TUSC3: variants seen among roughly 807,000 people sequenced by gnomAD.
The protein encoded by TUSC3 is dolichyl-diphosphooligosaccharide--protein glycosyltransferase subunit TUSC3.
In TUSC3, 45 loss-of-function variants were observed where a neutral mutation model predicts 44.8. The ratio of observed to expected loss-of-function variants is 1.00; its 90% CI spans 0.79 to 1.29. The LOEUF is 1.29. Ranked by LOEUF, TUSC3 falls within the 50% of genes most tolerant of loss-of-function variation. The probability of loss-of-function intolerance (pLI) is 0.00; values close to 1 mark genes in which losing one functional copy is unlikely to be tolerated. For synonymous variants in TUSC3, 212 were observed against 152.9 expected, an observed-to-expected ratio of 1.39 and a Z score of -2.85; for missense variants, 519 against 437.9, an observed-to-expected ratio of 1.19 and a Z score of -1.65.
intron 2 of TUSC3, among the ~76,000 whole-genome samples, chr8:15,522,796 A>G (rs1266636870): frequency 6.6e-6 from 1 of 152,120 alleles, no homozygotes; most frequent in Non-Finnish European, 1.5e-5. Flanking sequence ...CCTTTTCTCT[A>G]GTGAGGAATT....
chr8:15,645,879 C>G (rs1806602889), intron 2 of TUSC3, among the ~76,000 whole-genome samples: 1 of 152,048 alleles, frequency 6.6e-6, no homozygotes, highest in African/African-American at 2.4e-5. Context: ...TGACATAAAT[C>G]TGACTAAATG....
intron 6 of TUSC3, among the ~76,000 whole-genome samples, chr8:15,712,629 G>A (rs552646558): frequency 5.3e-5 from 8 of 151,990 alleles, no homozygotes; most frequent in African/African-American, 1.2e-4. Flanking sequence ...CTTTTCAACC[G>A]TCTATCTTCT....
At chr8:15,720,379 T>C (rs981694241) in intron 6 of TUSC3, among the ~76,000 whole-genome samples, 1 of 151,998 alleles carries the variant, frequency 6.6e-6, no homozygotes, top group Non-Finnish European at 1.5e-5. Context: ...TTGGGCAGCC[T>C]CAACCAGTAA....
intron 1 of TUSC3, among the ~76,000 whole-genome samples, chr8:15,471,958 T>G (rs903049649): frequency 6.6e-6 from 1 of 152,086 alleles, no homozygotes; most frequent in Non-Finnish European, 1.5e-5. Context: ...AATAACATAA[T>G]TGATGAATTT....
At chr8:15,465,046 C>CACTATGTTG (rs1470021973) in intron 1 of TUSC3, among the ~76,000 whole-genome samples, 1 of 152,142 alleles carries the variant, frequency 6.6e-6, no homozygotes, top group East Asian at 1.9e-4. Flanking sequence ...GACAGAGTTT[C>CACTATGTTG]ACTATGTTGG....
In TUSC3 at chr8:15,736,134, C is replaced by T. The variant is rs2543144; in HGVS notation, c.862+5405C>T. On this transcript the variant is annotated intron_variant, in intron 7 of 10. Transcript: ENST00000503731. ...ATGTAAACATAAATACACACATACACGCAGGTGCATGTGCTTTGTGCTGAG... is the reference window on the plus strand; with the variant it reads ...ATGTAAACATAAATACACACATACATGCAGGTGCATGTGCTTTGTGCTGAG... Among the ~76,000 whole-genome samples, 897 of 152,142 alleles carry T rather than the reference C, an allele frequency of 5.9e-3. 10 individuals carry two copies. Among genetic ancestry groups the T allele is most frequent in the African/African-American group, 0.02 (833 of 41,510 alleles).
chr8:15,812,744 A>G, the TUSC3 span, among the ~76,000 whole-genome samples: 763 of 152,016 alleles, frequency 5.0e-3, 16 homozygotes, highest in East Asian at 0.076. Flanking sequence ...GCCTTATTCC[A>G]TTGATTCCAA....
At chr8:15,641,189 G>A (rs925006581) in intron 2 of TUSC3, among the ~76,000 whole-genome samples, 1 of 151,544 alleles carries the variant, frequency 6.6e-6, no homozygotes, top group Non-Finnish European at 1.5e-5. Context: ...TGAAACCCCT[G>A]TCTCTACCAG....
At chr8:15,589,414 T>G (rs77574692) in intron 1 of TUSC3, among the ~76,000 whole-genome samples, 10,361 of 152,260 alleles carry the variant, frequency 0.068, 445 homozygotes, top group Middle Eastern at 0.1. Flanking sequence ...AAGATTAGCA[T>G]GTGGAGCAAT....
At chr8:15,419,431 C>T (rs1386992246) in intron 1 of TUSC3, among the ~76,000 whole-genome samples, 1 of 152,132 alleles carries the variant, frequency 6.6e-6, no homozygotes, top group Non-Finnish European at 1.5e-5. Flanking sequence ...GTCTTTGCTT[C>T]TTTGAGGCGC....
chr8:15,435,188 C>G lies in TUSC3; in HGVS notation n.91+17883C>G, dbSNP rs1412183318. Among the ~76,000 whole-genome samples the G allele has an allele frequency of 2.0e-5, 3 of 151,218 alleles. No individual in the cohort carries two copies. The East Asian group carries it at 5.8e-4, about 29-fold the overall frequency. ...GTGTTCCTATTTCTCCACATCCTCT[C>G]CAGCACCTGTTGTTTCCTGACTTTT... On this transcript the variant is annotated intron_variant and non_coding_transcript_variant, in intron 1 of 5. Transcript: ENST00000503191.
chr8:15,673,967 C>A, intron 6 of TUSC3, 131 bp downstream of exon 6: 1 of 747,524 alleles, frequency 1.3e-6, no homozygotes. Flanking sequence ...TTCTCATTTA[C>A]TACCTGTGTC....
In TUSC3 at chr8:15,458,615, T is replaced by C. The variant is rs189098927; in HGVS notation, n.92-24771T>C. The stretch of plus-strand genomic sequence containing the variant: ...ATGGACCAACGATGAATGTGTTATG[T>C]ACCAATGATTAAGATGAATCTATAA... On this transcript the variant is annotated intron_variant and non_coding_transcript_variant, in intron 1 of 5. Transcript: ENST00000503191. Among the ~76,000 whole-genome samples the C allele has an allele frequency of 2.7e-3, 418 of 152,318 alleles. 4 individuals carry two copies. The highest frequency in any genetic ancestry group is 9.7e-3 in the African/African-American group (402 of 41,568).
the TUSC3 span, among the ~76,000 whole-genome samples, chr8:15,789,141 G>A: frequency 6.6e-6 from 1 of 152,152 alleles, no homozygotes; most frequent in Non-Finnish European, 1.5e-5. Flanking sequence ...CAGAGTGTTA[G>A]GTAAAAACCT....
chr8:15,720,733 A>G (rs1013096319), intron 6 of TUSC3, among the ~76,000 whole-genome samples: 2 of 152,118 alleles, frequency 1.3e-5, no homozygotes, highest in Non-Finnish European at 2.9e-5. Flanking sequence ...AGTTTCAAGA[A>G]TGTAAATTAA....
intron 1 of TUSC3, among the ~76,000 whole-genome samples, chr8:15,436,063 G>A (rs562727138): frequency 2.0e-5 from 3 of 152,156 alleles, no homozygotes; most frequent in South Asian, 4.1e-4. Context: ...TTTCAAGATC[G>A]CTCATTCACA....
chr8:15,500,448 G>A (rs1454458522), intron 2 of TUSC3, among the ~76,000 whole-genome samples: 1 of 151,912 alleles, frequency 6.6e-6, no homozygotes, highest in African/African-American at 2.4e-5. Context: ...TTAGTCAATC[G>A]GAGATCTAAC....
chr8:15,689,867 A>T (rs57352188), intron 6 of TUSC3, among the ~76,000 whole-genome samples: 3,985 of 142,568 alleles, frequency 0.028, 195 homozygotes, highest in African/African-American at 0.094. Flanking sequence ...TGTGTGTATA[A>T]ATATATATAT....
intron 1 of TUSC3, among the ~76,000 whole-genome samples, chr8:15,420,636 A>G (rs751891758): frequency 4.6e-5 from 7 of 151,934 alleles, no homozygotes; most frequent in Admixed American, 1.3e-4. Flanking sequence ...TTTCCTCTTT[A>G]CCTGAATTCC....
Sources: allele counts gnomAD v4.1 joint callset (sites outside exome capture counted in the v4.1 genomes callset), GRCh38; gene constraint gnomAD v4.1.1; transcripts MANE v1.5; gene names NCBI Gene and HGNC (gene_info 2026-07-23, HGNC 2026-07-21).